The following SOX5 variants were observed in gnomAD, a reference collection of about 807,000 sequenced individuals.
SOX5 encodes the protein transcription factor SOX-5.
A neutral mutation model predicts 92.0 loss-of-function variants in SOX5; 9 were observed. The ratio of observed to expected loss-of-function variants is 0.10; its 90% CI spans 0.06 to 0.17. The LOEUF (loss-of-function observed/expected upper bound fraction) is 0.17, where lower values mean the gene tolerates loss of function less well. Among genes scored for constraint, SOX5 ranks in the 10% least tolerant of loss-of-function variants. The probability of loss-of-function intolerance (pLI) is 1.00; values close to 1 mark genes in which losing one functional copy is unlikely to be tolerated. For synonymous variants in SOX5, 344 were observed against 336.3 expected (o/e 1.02, Z -0.25); for missense variants, 642 against 944.5 (o/e 0.68, Z 4.20).
intron 6 of SOX5, among the ~76,000 whole-genome samples, chr12:23,703,379 T>A (rs886194949): frequency 1.3e-5 from 2 of 152,040 alleles, no homozygotes; most frequent in African/African-American, 4.8e-5. Flanking sequence ...AGAGTCTTTC[T>A]GACCTGTTGT....
intron 9 of SOX5, 25 bp downstream of exon 9, chr12:23,604,362 G>A (rs1203500015): frequency 1.9e-6 from 3 of 1,612,550 alleles, no homozygotes; most frequent in Non-Finnish European, 1.7e-6. Context: ...TAAGTGGCAA[G>A]ACAGTGGCTT....
intron 2 of SOX5, among the ~76,000 whole-genome samples, chr12:24,359,751 A>T (rs1955308897): frequency 6.6e-6 from 1 of 152,180 alleles, no homozygotes; most frequent in Non-Finnish European, 1.5e-5. Context: ...ATTTTTTGTC[A>T]TCAGCTTCTA....
chr12:23,733,352 C>G (rs2093464000), intron 6 of SOX5, among the ~76,000 whole-genome samples: 1 of 152,094 alleles, frequency 6.6e-6, no homozygotes, highest in Non-Finnish European at 1.5e-5. Flanking sequence ...TAACCAGGTA[C>G]CATCGACTAA....
chr12:24,046,064 T>A (rs1474175005), intron 4 of SOX5, among the ~76,000 whole-genome samples: 1 of 152,184 alleles, frequency 6.6e-6, no homozygotes, highest in African/African-American at 2.4e-5. Flanking sequence ...TGACAGGAAA[T>A]GAGAGATTTA....
chr12:23,832,802 A>G (rs1269971577), intron 3 of SOX5, among the ~76,000 whole-genome samples: 1 of 151,906 alleles, frequency 6.6e-6, no homozygotes, highest in Non-Finnish European at 1.5e-5. Flanking sequence ...TAGGCAAAAA[A>G]AAAAACCCTT....
At chr12:23,947,812 A>G (rs1288206721) in intron 1 of SOX5, among the ~76,000 whole-genome samples, 4 of 152,034 alleles carry the variant, frequency 2.6e-5, no homozygotes, top group Non-Finnish European at 4.4e-5. Flanking sequence ...AAAAAAAAAT[A>G]CAAATAAAGT....
At chr12:23,768,372 C>T (rs1405963071) in intron 3 of SOX5, among the ~76,000 whole-genome samples, 2 of 152,066 alleles carry the variant, frequency 1.3e-5, no homozygotes, top group Non-Finnish European at 2.9e-5. Context: ...TAAAAAAACA[C>T]CCAGGAACCT....
intron 1 of SOX5, among the ~76,000 whole-genome samples, chr12:24,437,009 CT>C (rs889667802): frequency 6.6e-6 from 1 of 152,170 alleles, no homozygotes; most frequent in African/African-American, 2.4e-5. Flanking sequence ...CTGTTGAGAC[CT>C]ACTGCTCAGA....
intron 4 of SOX5, among the ~76,000 whole-genome samples, chr12:24,057,528 G>A (rs773172748): frequency 6.6e-6 from 1 of 152,072 alleles, no homozygotes; most frequent in Non-Finnish European, 1.5e-5. Flanking sequence ...TGATGTAATC[G>A]TTTTGTTTTA....
intron 1 of SOX5, among the ~76,000 whole-genome samples, chr12:23,932,641 T>C (rs1941698643): frequency 6.6e-6 from 1 of 151,640 alleles, no homozygotes. Flanking sequence ...GTGTTATTAT[T>C]TCAACTTTTC....
At chr12:24,346,046 C>A (rs543659025) in intron 2 of SOX5, among the ~76,000 whole-genome samples, 1 of 152,344 alleles carries the variant, frequency 6.6e-6, no homozygotes, top group South Asian at 2.1e-4. Flanking sequence ...TATACTTCAT[C>A]AACATTAAGT....
chr12:24,407,245 G>A (rs1963180333), intron 1 of SOX5, among the ~76,000 whole-genome samples: 1 of 152,118 alleles, frequency 6.6e-6, no homozygotes, highest in Admixed American at 6.5e-5. Flanking sequence ...TGCCCCGGCA[G>A]CAGTCCACAA....
chr12:24,171,276 T>C (rs922079423), intron 4 of SOX5, among the ~76,000 whole-genome samples: 15 of 136,222 alleles, frequency 1.1e-4, no homozygotes, highest in Non-Finnish European at 2.2e-4. Flanking sequence ...CAGGCTGGAG[T>C]GCAGTGGCCC....
At chr12:23,550,443 T>C (rs903787558) in intron 11 of SOX5, among the ~76,000 whole-genome samples, 1 of 151,968 alleles carries the variant, frequency 6.6e-6, no homozygotes, top group Non-Finnish European at 1.5e-5. Context: ...AAGATAGATA[T>C]ACTTTTAATA....
chr12:24,495,898 G>T (rs941649967), intron 1 of SOX5, among the ~76,000 whole-genome samples: 2 of 152,002 alleles, frequency 1.3e-5, no homozygotes, highest in Non-Finnish European at 2.9e-5. Flanking sequence ...GATGAGGTTG[G>T]GATTTTTGAC....
At chr12:23,740,017 A>G (rs561133990) in intron 5 of SOX5, among the ~76,000 whole-genome samples, 4 of 152,336 alleles carry the variant, frequency 2.6e-5, no homozygotes, top group African/African-American at 9.6e-5. Flanking sequence ...TGCCCGGCAC[A>G]TAAGAAGCAC....
chr12:23,784,673 T>C (rs984593452), intron 3 of SOX5, among the ~76,000 whole-genome samples: 17 of 152,140 alleles, frequency 1.1e-4, no homozygotes, highest in African/African-American at 3.9e-4. Context: ...CAAAATAAAA[T>C]GGGAATATGC....
At position 23,777,729 on chromosome 12, in the gene SOX5, C is replaced by G. The variant is rs544492375; in HGVS notation, c.482-22005G>C. Among the ~76,000 whole-genome samples, 39 of 152,004 alleles carry G rather than the reference C, an allele frequency of 2.6e-4. No individual in the cohort carries two copies. In the South Asian group the frequency reaches 6.0e-3, roughly 24 times the overall value. On this transcript the variant is annotated intron_variant, in intron 3 of 14. Transcript: ENST00000451604. ...CACACTATACAAACATTTAACTAAT[C>G]TAAATTCAACTATGCTCATTTGAAA...
intron 1 of SOX5, among the ~76,000 whole-genome samples, chr12:24,443,112 T>C (rs545767751): frequency 2.6e-5 from 4 of 152,166 alleles, no homozygotes; most frequent in African/African-American, 9.6e-5. Context: ...CTGCAACATC[T>C]GGCTAATTTT....
Sources: gnomAD v4.1 joint callset for allele counts (sites outside exome capture counted in the v4.1 genomes callset) on GRCh38, gnomAD v4.1.1 for gene constraint, MANE v1.5 for transcripts, NCBI Gene and HGNC (gene_info 2026-07-23, HGNC 2026-07-21) for gene names.